PTPRG: variants seen among roughly 807,000 people sequenced by gnomAD.
PTPRG encodes receptor-type tyrosine-protein phosphatase gamma.
In PTPRG, 102 loss-of-function variants were observed where a neutral mutation model predicts 165.3. The ratio of observed to expected loss-of-function variants is 0.62; its 90% CI spans 0.53 to 0.73. The LOEUF (loss-of-function observed/expected upper bound fraction) is 0.73, where lower values mean the gene tolerates loss of function less well. Among genes scored for constraint, PTPRG ranks in the 30% least tolerant of loss-of-function variants. The pLI, the probability that PTPRG is intolerant of heterozygous loss-of-function variation, is 0.00. For missense variants in PTPRG, 1,866 were observed against 1,861.4 expected (o/e 1.00, Z -0.05); for synonymous variants, 675 against 669.5 (o/e 1.01, Z -0.13).
At chr3:62,026,879 T>TAAAA (rs200417191) in intron 4 of PTPRG, among the ~76,000 whole-genome samples, 1 of 94,692 alleles carries the variant, frequency 1.1e-5, no homozygotes, top group Admixed American at 1.2e-4. Flanking sequence ...GAGTGAGAAT[T>TAAAA]AAAAAAAAAA....
chr3:61,589,463 C>A (rs1019327167), intron 1 of PTPRG, among the ~76,000 whole-genome samples: 10 of 152,230 alleles, frequency 6.6e-5, no homozygotes, highest in Non-Finnish European at 1.3e-4. Flanking sequence ...AAGATACTGT[C>A]TCTGCCATAG....
Position 62,132,609 on chromosome 3 carries a change from C to G in PTPRG, c.623C>G (p.Pro208Arg). Residue 208 changes from proline (P) to arginine (R), a missense_variant, in exon 6 of 30, where the codon CCG becomes CGG. Physicochemically the swap from Pro to Arg is moderately radical, Grantham distance 103. This residue lies in a region of PTPRG where 408 missense variants were observed against 376.2 expected (regional missense o/e 1.08). Coordinates refer to ENST00000474889, the MANE Select transcript of PTPRG (RefSeq NM_002841.4). ...GAMAIFFQVS[P>R]RDNSALDPII... The stretch of plus-strand genomic sequence containing the variant: ...TGTTTCCTTTACATTTAGGTCAGTC[C>G]GAGGGACAATTCTGCACTGGATCCT... 1.2e-6 allele frequency: 2 copies of G among 1,609,672 alleles called. No homozygotes were observed. Among genetic ancestry groups the G allele is most frequent in the Non-Finnish European group, 1.7e-6 (2 of 1,176,032 alleles).
chr3:61,627,253 A>T (rs2106917984), intron 1 of PTPRG, among the ~76,000 whole-genome samples: 1 of 152,270 alleles, frequency 6.6e-6, no homozygotes, highest in South Asian at 2.1e-4. Flanking sequence ...TGCATTAGTT[A>T]TAGGGAAATT....
At chr3:61,937,574 T>C (rs1445990499) in intron 2 of PTPRG, among the ~76,000 whole-genome samples, 4 of 152,230 alleles carry the variant, frequency 2.6e-5, no homozygotes, top group African/African-American at 7.2e-5. Context: ...AAACCAACTT[T>C]ACTCTGATGA....
At chr3:62,080,944 G>A (rs1446279049) in intron 5 of PTPRG, among the ~76,000 whole-genome samples, 3 of 152,114 alleles carry the variant, frequency 2.0e-5, no homozygotes, top group African/African-American at 7.2e-5. Context: ...ACAAATTAGA[G>A]GTCAGATGAT....
chr3:62,241,593 C>G (rs1254252901), intron 14 of PTPRG, among the ~76,000 whole-genome samples: 1 of 151,928 alleles, frequency 6.6e-6, no homozygotes, highest in Non-Finnish European at 1.5e-5. Flanking sequence ...GCCTGTAGTT[C>G]CACATATAAC....
At chr3:61,604,475 TAA>T (rs1211057556) in intron 1 of PTPRG, among the ~76,000 whole-genome samples, 1 of 152,220 alleles carries the variant, frequency 6.6e-6, no homozygotes, top group Non-Finnish European at 1.5e-5. Context: ...ATCATACAAA[TAA>T]ACATTAAAGG....
At chr3:61,909,641 C>T (rs2038751200) in intron 2 of PTPRG, among the ~76,000 whole-genome samples, 1 of 151,358 alleles carries the variant, frequency 6.6e-6, no homozygotes, top group Admixed American at 6.6e-5. Context: ...TTGCCTCAGC[C>T]TCCCAAAATG....
chr3:61,772,060 A>G (rs1293896056), intron 2 of PTPRG, among the ~76,000 whole-genome samples: 1 of 143,510 alleles, frequency 7.0e-6, no homozygotes. Flanking sequence ...ACTCTGTCTA[A>G]AAAAAAAAAA....
chr3:62,097,733 CTCT>C (rs757769550), intron 5 of PTPRG, among the ~76,000 whole-genome samples: 1 of 151,976 alleles, frequency 6.6e-6, no homozygotes, highest in Non-Finnish European at 1.5e-5. Context: ...TTCTTCAGTC[CTCT>C]TCTTCTTTTC....
rs1406085788 is a variant in PTPRG at position 61,877,903 on chromosome 3, G to A, written c.191-111722G>A. ...TAGAAGGCCAGCATAATTACTCAGA[G>A]TACAGTAAATGTCCCTATCATTCTT... On this transcript the variant is annotated intron_variant, in intron 2 of 29. Transcript: ENST00000474889. Among the ~76,000 whole-genome samples, 6 of 152,210 alleles carry A rather than the reference G, an allele frequency of 3.9e-5. No individual in the cohort carries two copies. The South Asian group carries it at 1.0e-3, about 26-fold the overall frequency.
At position 61,595,033 on chromosome 3, in the gene PTPRG, C is replaced by G. The variant is rs372511390; in HGVS notation, c.85+32661C>G. Among the ~76,000 whole-genome samples, 54 of 152,150 alleles carry G rather than the reference C, an allele frequency of 3.5e-4. 1 individual carries two copies. The South Asian group carries it at 0.01, about 29-fold the overall frequency. On this transcript the variant is annotated intron_variant, in intron 1 of 29. Coordinates refer to ENST00000474889, the MANE Select transcript of PTPRG (RefSeq NM_002841.4). ...CCGGATGAAAAGCGAGAAAACTGATCTGTTTATTTACAGATGTTTGTCATT... is the reference window on the plus strand; with the variant it reads ...CCGGATGAAAAGCGAGAAAACTGATGTGTTTATTTACAGATGTTTGTCATT...
At chr3:61,680,637 AG>A (rs142833332) in intron 1 of PTPRG, among the ~76,000 whole-genome samples, 4 of 150,900 alleles carry the variant, frequency 2.7e-5, no homozygotes, top group East Asian at 1.9e-4. Flanking sequence ...TAGGAGATCA[AG>A]GGGGAAAAAA....
At chr3:62,200,703 G>T (rs1576126790) in intron 10 of PTPRG, among the ~76,000 whole-genome samples, 1 of 152,166 alleles carries the variant, frequency 6.6e-6, no homozygotes, top group Admixed American at 6.5e-5. Context: ...ACCAGAAAGG[G>T]TAATGTATGG....
chr3:61,618,032 C>T lies in PTPRG; in HGVS notation c.85+55660C>T, dbSNP rs187300152. Among the ~76,000 whole-genome samples the T allele has an allele frequency of 2.5e-4, 38 of 152,246 alleles. No individual in the cohort carries two copies. The East Asian group carries it at 7.1e-3, about 29-fold the overall frequency. On this transcript the variant is annotated intron_variant, in intron 1 of 29. Transcript: ENST00000474889. Reference sequence around the variant, plus strand: ...ATAACTAATTATTAAGCTTACAAAGCGGCCAGGTGGTACTTGGAGAATCTT... The same window carrying T: ...ATAACTAATTATTAAGCTTACAAAGTGGCCAGGTGGTACTTGGAGAATCTT...
chr3:61,713,070 CAT>C (rs1491163015), intron 1 of PTPRG, among the ~76,000 whole-genome samples: 1 of 151,982 alleles, frequency 6.6e-6, no homozygotes, highest in Non-Finnish European at 1.5e-5. Flanking sequence ...TTGTTTTATT[CAT>C]TTTTTCCTAG....
At chr3:61,684,580 C>A (rs1703560687) in intron 1 of PTPRG, among the ~76,000 whole-genome samples, 4 of 152,148 alleles carry the variant, frequency 2.6e-5, no homozygotes, top group Admixed American at 2.6e-4. Context: ...GTGGTTGTTA[C>A]TGTGGGAAGT....
At position 61,965,487 on chromosome 3, in the gene PTPRG, C is replaced by CAAAA. The variant is rs56210593; in HGVS notation, c.191-24121_191-24118dup. On this transcript the variant is annotated intron_variant, in intron 2 of 29. Coordinates refer to ENST00000474889, the MANE Select transcript of PTPRG (RefSeq NM_002841.4). The stretch of plus-strand genomic sequence containing the variant: ...TGGGTGACAGAGCAAGACTCCGTCT[C>CAAAA]AAAAAAAAAAAAAAAAAAAAGTTAA... 2.8e-3 allele frequency among the ~76,000 whole-genome samples: 226 copies of CAAAA among 80,080 alleles called. 2 individuals carry two copies. The highest frequency in any genetic ancestry group is 7.6e-3 in the African/African-American group (159 of 20,898). The allele number at this position is 80,080 out of a possible 152,430, so 52.5% of individuals were successfully genotyped here.
chr3:62,079,799 A>G (rs1208815881), intron 5 of PTPRG, among the ~76,000 whole-genome samples: 1 of 152,204 alleles, frequency 6.6e-6, no homozygotes. Context: ...TAAACTTTTC[A>G]ATCTCAGTAT....
Sources: gnomAD v4.1 joint callset for allele counts (sites outside exome capture counted in the v4.1 genomes callset) on GRCh38, gnomAD v4.1.1 for gene constraint, gnomAD v4.1.1 regional missense constraint, MANE v1.5 for transcripts, NCBI Gene and HGNC (gene_info 2026-07-23, HGNC 2026-07-21) for gene names.